The following SETBP1 variants were observed in gnomAD, a reference collection of about 807,000 sequenced individuals.
SETBP1 encodes the protein SET binding protein 1.
Under a neutral mutation model 101.0 loss-of-function variants are expected in SETBP1, and 9 were observed. The observed-to-expected ratio is 0.09, with a 90% CI of 0.05 to 0.16. The LOEUF (loss-of-function observed/expected upper bound fraction) is 0.16. Among genes scored for constraint, SETBP1 ranks in the 10% least tolerant of loss-of-function variants. The pLI is 1.00. For missense variants in SETBP1, 1,858 were observed against 2,033.8 expected, an observed-to-expected ratio of 0.91 and a Z score of 1.66; for synonymous variants, 818 against 788.5, an observed-to-expected ratio of 1.04 and a Z score of -0.63.
chr18:44,879,851 T>C (rs538394909), intron 3 of SETBP1, among the ~76,000 whole-genome samples: 3 of 152,328 alleles, frequency 2.0e-5, no homozygotes, highest in East Asian at 3.9e-4. Context: ...TCTTCCCACC[T>C]ACAGCACTTT....
intron 3 of SETBP1, among the ~76,000 whole-genome samples, chr18:44,906,738 A>T (rs1263647618): frequency 1.3e-5 from 2 of 152,202 alleles, no homozygotes; most frequent in African/African-American, 4.8e-5. Flanking sequence ...GGGGATATAA[A>T]TGCACTCAAG....
At chr18:44,868,539 A>T (rs1168340248) in intron 2 of SETBP1, among the ~76,000 whole-genome samples, 1 of 152,132 alleles carries the variant, frequency 6.6e-6, no homozygotes. Context: ...TACTAAAAAT[A>T]CAAAAATTAG....
chr18:44,872,958 C>CA (rs2069313194), intron 3 of SETBP1, among the ~76,000 whole-genome samples: 1 of 152,180 alleles, frequency 6.6e-6, no homozygotes, highest in Non-Finnish European at 1.5e-5. Context: ...TTCCTTTAGG[C>CA]AAAATGGAGT....
At chr18:44,895,031 T>A (rs1212728395) in intron 3 of SETBP1, among the ~76,000 whole-genome samples, 1 of 149,142 alleles carries the variant, frequency 6.7e-6, no homozygotes, top group Non-Finnish European at 1.5e-5. Context: ...GGAGGATCAC[T>A]TGAGCCCAGG....
At chr18:45,027,031 T>G (rs892157648) in intron 4 of SETBP1, among the ~76,000 whole-genome samples, 7 of 152,188 alleles carry the variant, frequency 4.6e-5, no homozygotes, top group African/African-American at 1.7e-4. Context: ...CTTTGCAATT[T>G]TTATGTCTAA....
At chr18:44,997,303 T>C (rs1185941933) in intron 4 of SETBP1, among the ~76,000 whole-genome samples, 3 of 152,176 alleles carry the variant, frequency 2.0e-5, no homozygotes, top group South Asian at 2.1e-4. Flanking sequence ...ATCTCGGGAC[T>C]GCACTCTCCA....
intron 3 of SETBP1, among the ~76,000 whole-genome samples, chr18:44,879,933 A>G (rs1346621215): frequency 6.6e-6 from 1 of 152,178 alleles, no homozygotes; most frequent in African/African-American, 2.4e-5. Flanking sequence ...TTTTTAATAA[A>G]TGTATCAGTA....
intron 5 of SETBP1, among the ~76,000 whole-genome samples, chr18:45,050,698 T>A (rs568076951): frequency 1.3e-5 from 2 of 152,216 alleles, no homozygotes; most frequent in Non-Finnish European, 2.9e-5. Context: ...GTGTGAACAC[T>A]CTGTGTGGCC....
chr18:44,977,313 G>A (rs1157422789), intron 4 of SETBP1, among the ~76,000 whole-genome samples: 1 of 152,216 alleles, frequency 6.6e-6, no homozygotes, highest in Non-Finnish European at 1.5e-5. Context: ...GGGGAAAAAA[G>A]GAGCAAAGAA....
chr18:44,790,650 G>A (rs1319245505), intron 2 of SETBP1, among the ~76,000 whole-genome samples: 1 of 152,226 alleles, frequency 6.6e-6, no homozygotes, highest in Non-Finnish European at 1.5e-5. Flanking sequence ...TTGGCTGCAT[G>A]ACAGAAATGC....
At chr18:44,761,929 A>G (rs1215557832) in intron 2 of SETBP1, among the ~76,000 whole-genome samples, 2 of 152,142 alleles carry the variant, frequency 1.3e-5, no homozygotes, top group African/African-American at 2.4e-5. Flanking sequence ...CTCCTGCTCC[A>G]GTGGTCCTTC....
intron 2 of SETBP1, among the ~76,000 whole-genome samples, chr18:44,761,892 G>T (rs1474630630): frequency 1.3e-5 from 2 of 152,290 alleles, no homozygotes; most frequent in African/African-American, 4.8e-5. Flanking sequence ...TGATGTCCGA[G>T]CCAGGGCCTG....
chr18:44,899,519 A>G (rs2069987922), intron 3 of SETBP1, among the ~76,000 whole-genome samples: 2 of 152,174 alleles, frequency 1.3e-5, no homozygotes, highest in Admixed American at 6.5e-5. Flanking sequence ...TTGGGACCAT[A>G]CAGCTCAGGA....
intron 2 of SETBP1, among the ~76,000 whole-genome samples, chr18:44,746,487 G>A (rs1208077598): frequency 1.3e-5 from 2 of 152,186 alleles, no homozygotes; most frequent in African/African-American, 4.8e-5. Context: ...TAAGGGGGAG[G>A]TGGTAAGAAA....
intron 3 of SETBP1, among the ~76,000 whole-genome samples, chr18:44,903,117 C>T (rs1056067697): frequency 2.6e-5 from 4 of 152,132 alleles, no homozygotes; most frequent in African/African-American, 9.7e-5. Flanking sequence ...CCTTACTTAA[C>T]CACGTCACCA....
chr18:44,859,408 G>A (rs1599235000), intron 2 of SETBP1, among the ~76,000 whole-genome samples: 1 of 152,140 alleles, frequency 6.6e-6, no homozygotes, highest in Non-Finnish European at 1.5e-5. Context: ...AGAGTAGGGA[G>A]GGAGATAGCA....
rs146508645 is a variant in SETBP1 at position 44,830,453 on chromosome 18, A to G, written c.487-38777A>G. ...AATGTAATTTTACACATCTTTTATT[A>G]TAAAATCTTGGCAGCATCTCTAAAG... On this transcript the variant is annotated intron_variant, in intron 2 of 5. Coordinates refer to ENST00000649279, the MANE Select transcript of SETBP1 (RefSeq NM_015559.3). 4.6e-5 allele frequency among the ~76,000 whole-genome samples: 7 copies of G among 152,346 alleles called. No individual in the cohort carries two copies. In the East Asian group the frequency reaches 9.6e-4, roughly 21 times the overall value.
chr18:44,955,125 TG>T (rs1467211264), intron 4 of SETBP1, among the ~76,000 whole-genome samples: 1 of 152,242 alleles, frequency 6.6e-6, no homozygotes, highest in African/African-American at 2.4e-5. Flanking sequence ...AGGATTTGTC[TG>T]TGGCCAGGCT....
At chr18:44,972,470 A>G (rs2071888216) in intron 4 of SETBP1, among the ~76,000 whole-genome samples, 1 of 152,112 alleles carries the variant, frequency 6.6e-6, no homozygotes, top group Admixed American at 6.5e-5. Flanking sequence ...CTCGGGCAGT[A>G]TGGCCATTTT....
Sources: gnomAD v4.1 joint callset for allele counts (sites outside exome capture counted in the v4.1 genomes callset) on GRCh38, gnomAD v4.1.1 for gene constraint, MANE v1.5 for transcripts, NCBI Gene and HGNC (gene_info 2026-07-23, HGNC 2026-07-21) for gene names.